The following SMARCA4 variants were observed in gnomAD, a reference collection of about 807,000 sequenced individuals.
SMARCA4 encodes the protein SWI/SNF related BAF chromatin remodeling complex subunit ATPase 4, also known as SWI/SNF-related matrix-associated actin-dependent regulator of chromatin subfamily A member 4.
Under a neutral mutation model 193.9 loss-of-function variants are expected in SMARCA4, and 31 were observed. The observed-to-expected ratio is 0.16, with a 90% confidence interval of 0.12 to 0.22. The LOEUF (loss-of-function observed/expected upper bound fraction) is 0.22, where lower values mean the gene tolerates loss of function less well. Among genes scored for constraint, SMARCA4 ranks in the 10% least tolerant of loss-of-function variants. The pLI is 1.00. For missense variants in SMARCA4, 1,148 were observed against 2,296.0 expected (o/e 0.50, Z 10.22); for synonymous variants, 942 against 933.1 (o/e 1.01, Z -0.17).
chr19:10,970,970 G>A (rs531017313), intron 1 of SMARCA4, among the ~76,000 whole-genome samples: 13 of 152,232 alleles, frequency 8.5e-5, no homozygotes, highest in South Asian at 4.2e-4. Context: ...AGGCTGAGGC[G>A]GGTGGATCAC....
At position 11,041,615 on chromosome 19, in the gene SMARCA4, C is replaced by G. The variant is rs959527425; in HGVS notation, c.4424+55C>G. The G allele has an allele frequency of 6.6e-7, 1 of 1,517,078 alleles. No homozygotes were observed. The highest frequency in any genetic ancestry group is 9.1e-7 in the Non-Finnish European group (1 of 1,101,798). 94.0% of individuals were successfully genotyped at this position (1,517,078 alleles called of 1,614,324 possible). A position where few individuals can be genotyped will look rare whatever the true frequency, so the allele number is the denominator to read the frequency against. On this transcript the variant is annotated intron_variant, in intron 30 of 34. Transcript: ENST00000344626. This position sits in a 1 kb window ranked among gnomAD's most constrained non-coding sequence, Gnocchi z 5.6. ...TGTAGGGGTCCCCGTGGGAGCAGGC[C>G]TGGCATCTGCACTCTGACTCTGCAC... is the stretch of plus-strand genomic sequence containing the variant.
chr19:11,061,824 C>T lies in SMARCA4; in HGVS notation c.*8C>T, dbSNP rs938889750. The T allele has an allele frequency of 1.2e-6, 2 of 1,613,854 alleles. No homozygotes were observed. Among genetic ancestry groups the T allele is most frequent in the Non-Finnish European group, 8.5e-7 (1 of 1,179,816 alleles). On this transcript the variant is annotated 3_prime_UTR_variant, in exon 35 of 35. Coordinates refer to ENST00000344626, the MANE Select transcript of SMARCA4 (RefSeq NM_003072.5). The stretch of plus-strand genomic sequence containing the variant: ...GGCAGCGAAGAAGACTGAGCCCCGA[C>T]ATTCCAGTCTCGACCCCGAGCCCCT...
At chr19:10,978,781 A>G (rs2085333475) in intron 1 of SMARCA4, among the ~76,000 whole-genome samples, 1 of 141,772 alleles carries the variant, frequency 7.1e-6, no homozygotes, top group Non-Finnish European at 1.6e-5. Context: ...AATACAAAAA[A>G]TATATATATA....
At chr19:10,999,683 T>C (rs1172167880) in intron 11 of SMARCA4, among the ~76,000 whole-genome samples, 1 of 152,128 alleles carries the variant, frequency 6.6e-6, no homozygotes, top group Admixed American at 6.6e-5. Flanking sequence ...CTTGAGGTTA[T>C]ACTGACACCT....
chr19:10,986,536 G>A lies in SMARCA4; in HGVS notation c.703G>A (p.Gly235Ser), dbSNP rs1219033025. The change falls in exon 4 of 35, where the codon GGC becomes AGC. Residue 235 changes from glycine (G) to serine (S), a missense_variant. Transcript: ENST00000344626. The surrounding 1 kb of genome is among the most constrained non-coding windows in gnomAD (Gnocchi z 6.7). Reference sequence around the variant, plus strand: ...CGCAACAGGACCCGGCCCTGGCCCTGGCCCTGGCCCCGGCCCGGGTCCCGG... The same window carrying A: ...CGCAACAGGACCCGGCCCTGGCCCTAGCCCTGGCCCCGGCCCGGGTCCCGG... The part of the protein sequence containing the change: ...VSATGPGPGP[G>S]PGPGPGPGPA... 1 of 1,541,604 alleles carries A rather than the reference G, an allele frequency of 6.5e-7. No individual in the cohort carries two copies. The highest frequency in any genetic ancestry group is 2.0e-5 in the Admixed American group (1 of 50,948).
Position 11,021,818 on chromosome 19 carries a change from C to T in SMARCA4, c.2710C>T (p.Pro904Ser), listed in dbSNP as rs2146418383. 6.2e-7 allele frequency: 1 copy of T among 1,613,760 alleles called. No homozygotes were observed. The highest frequency in any genetic ancestry group is 8.5e-7 in the Non-Finnish European group (1 of 1,180,024). The change falls in exon 19 of 35, where the codon CCC becomes TCC. Residue 904 changes from proline (P) to serine (S), a missense_variant. By Grantham distance (74) the Pro-to-Ser change is moderately conservative. Around this residue, in one of 17 missense-constraint regions of SMARCA4, gnomAD observed 74 missense variants for 392.3 expected, o/e 0.19. Coordinates refer to ENST00000344626, the MANE Select transcript of SMARCA4 (RefSeq NM_003072.5). ...TQVLNTHYVA[P>S]RRLLLTGTPL... ...GGTGCTCAACACGCACTATGTGGCA[C>T]CCCGCCGCCTGCTGCTGACGGGCAC...
intron 32 of SMARCA4, 175 bp downstream of exon 32, chr19:11,059,064 C>A: frequency 1.6e-6 from 1 of 618,004 alleles, no homozygotes; most frequent in Non-Finnish European, 2.9e-6. Context: ...CACTTGAGAC[C>A]AGGAGTTCAC....
At position 11,041,300 on chromosome 19, in the gene SMARCA4, C is replaced by T. The variant is rs1451126803; in HGVS notation, c.4171-7C>T. On this transcript the variant is annotated splice_polypyrimidine_tract_variant and splice_region_variant and intron_variant, in intron 29 of 34. Transcript: ENST00000344626. This position sits in a 1 kb window ranked among gnomAD's most constrained non-coding sequence, Gnocchi z 5.6. The stretch of plus-strand genomic sequence containing the variant: ...GCTGTCCTATTTTACTACTATTGAC[C>T]CTGAAGGCCATCGAGGAGGGCACGC... The T allele has an allele frequency of 3.1e-6, 5 of 1,606,942 alleles. No homozygotes were observed. The South Asian group carries it at 3.3e-5, about 11-fold the overall frequency.
At chr19:10,991,446 C>G (rs1039496997) in intron 8 of SMARCA4, 123 bp downstream of exon 8, 1 of 1,455,300 alleles carries the variant, frequency 6.9e-7, no homozygotes, top group East Asian at 2.5e-5. Context: ...CTCTTTTGCT[C>G]ATTGTAACAG....
At chr19:10,999,721 A>C (rs998739538) in intron 11 of SMARCA4, among the ~76,000 whole-genome samples, 2 of 152,176 alleles carry the variant, frequency 1.3e-5, no homozygotes, top group African/African-American at 4.8e-5. Context: ...GCACAGGGTT[A>C]ATTTTTATCC....
At chr19:10,971,710 G>A (rs1422923620) in intron 1 of SMARCA4, among the ~76,000 whole-genome samples, 1 of 150,886 alleles carries the variant, frequency 6.6e-6, no homozygotes. Context: ...TCAAGTGATC[G>A]ACCTGCCTCA....
At chr19:10,974,452 G>A (rs1225450670) in intron 1 of SMARCA4, among the ~76,000 whole-genome samples, 1 of 146,438 alleles carries the variant, frequency 6.8e-6, no homozygotes, top group Non-Finnish European at 1.5e-5. Context: ...TTCTGATTTA[G>A]GCTTTTTTTT....
In SMARCA4 at chr19:10,987,127, CT is replaced by C; in HGVS notation, c.859+128del. The C allele has an allele frequency of 1.4e-6, 1 of 734,272 alleles. No homozygotes were observed. The highest frequency in any genetic ancestry group is 2.7e-5 in the East Asian group (1 of 37,188). The allele number at this position is 734,272 out of a possible 1,614,324, so 45.5% of individuals were successfully genotyped here. A position where few individuals can be genotyped will look rare whatever the true frequency, so the allele number is the denominator to read the frequency against. On this transcript the variant is annotated intron_variant, in intron 5 of 34. Transcript: ENST00000344626. The surrounding 1 kb of genome is among the most constrained non-coding windows in gnomAD (Gnocchi z 5.3). ...TGGTCAGGCTGAACTGCAGCCTGTA[CT>C]TTTCTTGTGGTGGTCCCCGGGTCTC...
chr19:10,998,843 T>C (rs1263830417), intron 11 of SMARCA4, among the ~76,000 whole-genome samples: 1 of 152,002 alleles, frequency 6.6e-6, no homozygotes, highest in Non-Finnish European at 1.5e-5. Flanking sequence ...TTCTTCTGCT[T>C]TCCCTGCCTG....
Position 11,017,145 on chromosome 19 carries a change from C to T in SMARCA4, c.2439-1812C>T, listed in dbSNP as rs529658579. ...GAACGTGAGTTCATACCACTGTCTG[C>T]GGCTCTGAGTGAGGACCACAGGTTC... On this transcript the variant is annotated intron_variant, in intron 16 of 34. Transcript: ENST00000344626. 5.3e-5 allele frequency among the ~76,000 whole-genome samples: 8 copies of T among 152,342 alleles called. No individual in the cohort carries two copies. The East Asian group carries it at 9.6e-4, about 18-fold the overall frequency.
rs932395706 is a variant in SMARCA4, at chr19:11,034,540, G to A, written c.3951+340G>A. Among the ~76,000 whole-genome samples, 1 of 152,166 alleles carries A rather than the reference G, an allele frequency of 6.6e-6. No homozygotes were observed. ...CAAGGGACTGACCAGGCCTTCAGTC[G>A]CAGAGCCCCCTTGCCCCTGGGTGGG... is the stretch of plus-strand genomic sequence containing the variant. On this transcript the variant is annotated intron_variant, in intron 28 of 34. Transcript: ENST00000344626. The surrounding 1 kb of genome is among the most constrained non-coding windows in gnomAD (Gnocchi z 7.0).
In SMARCA4 at chr19:11,003,030, C is replaced by T. The variant is rs2146094328; in HGVS notation, c.1814C>T (p.Pro605Leu). ...GTCACACGAATGACTCTTTTTCAGC[C>T]TCTGGACGAGACCAGCCAGATGAGC... ...QTPAIGPDGE[P>L]LDETSQMSDL... is the part of the protein sequence containing the mutation. The change falls in exon 12 of 35, where the codon CCT (proline) becomes CTT (leucine). Residue 605 changes from proline to leucine, a missense_variant and splice_region_variant. Physicochemically the swap from Pro to Leu is moderately conservative, Grantham distance 98 (BLOSUM62 -3). Transcript: ENST00000344626. The T allele has an allele frequency of 1.2e-6, 2 of 1,614,116 alleles. No individual in the cohort carries two copies. Among genetic ancestry groups the T allele is most frequent in the South Asian group, 1.1e-5 (1 of 91,078 alleles).
chr19:11,031,320 A>G lies in SMARCA4; in HGVS notation c.3546+427A>G. 1 of 273,488 alleles carries G rather than the reference A, an allele frequency of 3.7e-6. No homozygotes were observed. Among genetic ancestry groups the G allele is most frequent in the Non-Finnish European group, 7.2e-6 (1 of 138,442 alleles). 16.9% of individuals were successfully genotyped at this position (273,488 alleles called of 1,614,324 possible). ...TTCGTTTACTTCCTCCTCTTGTTCC[A>G]TAACCATGTACCCCTCATGGGCCTC... On this transcript the variant is annotated intron_variant, in intron 25 of 34. Transcript: ENST00000344626. This position sits in a 1 kb window ranked among gnomAD's most constrained non-coding sequence, Gnocchi z 4.3.
chr19:10,975,318 C>CTT (rs372249804), intron 1 of SMARCA4, among the ~76,000 whole-genome samples: 239 of 107,446 alleles, frequency 2.2e-3, no homozygotes, highest in African/African-American at 3.7e-3. Context: ...TCCAACCTTA[C>CTT]TTTTTTTTTT....
Sources: allele counts gnomAD v4.1 joint callset (sites outside exome capture counted in the v4.1 genomes callset), GRCh38; gene constraint gnomAD v4.1.1; regional missense constraint gnomAD v4.1.1; non-coding constraint Gnocchi (gnomAD v3.1); transcripts MANE v1.5; gene names NCBI Gene and HGNC (gene_info 2026-07-23, HGNC 2026-07-21).